Variants in PRKAR1B observed in about 807,000 individuals in gnomAD.
PRKAR1B encodes the protein cAMP-dependent protein kinase type I-beta regulatory subunit.
Under a neutral mutation model 46.5 loss-of-function variants are expected in PRKAR1B, and 22 were observed. The ratio of observed to expected loss-of-function variants is 0.47; its 90% CI spans 0.34 to 0.68. The LOEUF (loss-of-function observed/expected upper bound fraction) is 0.68. Among genes scored for constraint, PRKAR1B ranks in the 30% least tolerant of loss-of-function variants. The probability of loss-of-function intolerance (pLI) is 0.01; values close to 1 mark genes in which losing one functional copy is unlikely to be tolerated. For missense variants in PRKAR1B, 445 were observed against 535.6 expected, an observed-to-expected ratio of 0.83 and a Z score of 1.67; for synonymous variants, 259 against 217.7, an observed-to-expected ratio of 1.19 and a Z score of -1.67.
intron 6 of PRKAR1B, among the ~76,000 whole-genome samples, chr7:601,048 C>T (rs2128459612): frequency 6.6e-6 from 1 of 152,306 alleles, no homozygotes; most frequent in South Asian, 2.1e-4. Flanking sequence ...GGGCAGCGTC[C>T]ACCCTGCAGA....
intron 4 of PRKAR1B, among the ~76,000 whole-genome samples, chr7:645,370 C>G (rs1456656624): frequency 6.6e-6 from 1 of 152,176 alleles, no homozygotes; most frequent in Non-Finnish European, 1.5e-5. Flanking sequence ...ACTCAGTCTA[C>G]TTGGGCGCAG....
At position 550,168 on chromosome 7, in the gene PRKAR1B, C is replaced by A. The variant is rs996557944; in HGVS notation, c.*262G>T. The A allele has an allele frequency of 3.5e-5, 16 of 460,020 alleles. No individual in the cohort carries two copies. The highest frequency in any genetic ancestry group is 6.3e-5 in the Non-Finnish European group (16 of 253,754). The allele number at this position is 460,020 out of a possible 1,614,324, so 28.5% of individuals were successfully genotyped here. On this transcript the variant is annotated 3_prime_UTR_variant, in exon 11 of 11. Transcript: ENST00000537384. ...CCCCAGGAGAAGCCCACAGAGGCAG[C>A]CGGGGAGGCGTGTGGGGAGGAAGCT...
At chr7:711,584 G>T in intron 1 of PRKAR1B, 57 bp from the exon 2 acceptor site, 1 of 1,472,572 alleles carries the variant, frequency 6.8e-7, no homozygotes, top group Non-Finnish European at 9.3e-7. Flanking sequence ...CTGCGCGCCG[G>T]ATAAACGCAG....
chr7:708,248 C>T (rs773181361), intron 2 of PRKAR1B, among the ~76,000 whole-genome samples: 33 of 152,128 alleles, frequency 2.2e-4, no homozygotes, highest in Non-Finnish European at 4.4e-4. Flanking sequence ...CCTTCTCCCA[C>T]ACAGACCCAG....
At chr7:605,734 C>T (rs1047802934) in intron 6 of PRKAR1B, among the ~76,000 whole-genome samples, 3 of 152,118 alleles carry the variant, frequency 2.0e-5, no homozygotes, top group African/African-American at 2.4e-5. Context: ...GGGAGCCAAA[C>T]GCAGGCGCAA....
chr7:551,515 C>T, intron 9 of PRKAR1B, 45 bp from the exon 10 acceptor site: 2 of 1,534,644 alleles, frequency 1.3e-6, no homozygotes, highest in East Asian at 2.4e-5. Flanking sequence ...CAGGCGGGTG[C>T]AGGGTGGGAC....
At chr7:709,316 CATGT>C (rs975437989) in intron 2 of PRKAR1B, among the ~76,000 whole-genome samples, 15 of 150,576 alleles carry the variant, frequency 1.0e-4, no homozygotes, top group East Asian at 1.9e-4. Context: ...TCCACGTATG[CATGT>C]ATGTATGTGT....
At chr7:694,602 C>T (rs536413872) in intron 2 of PRKAR1B, among the ~76,000 whole-genome samples, 4 of 152,092 alleles carry the variant, frequency 2.6e-5, no homozygotes, top group Admixed American at 6.6e-5. Context: ...GTTTTGGGTC[C>T]CCTTCCCCTT....
rs569918012 is a variant in PRKAR1B, at chr7:664,259, C to T, written c.440+12970G>A. ...CCATGCCAGGACCCATGGCGTCCGT[C>T]GGAATGTGAAAGCTGGTGCATCCCT... On this transcript the variant is annotated intron_variant, in intron 4 of 10. Transcript: ENST00000537384. Among the ~76,000 whole-genome samples the T allele has an allele frequency of 9.8e-5, 15 of 152,330 alleles. No homozygotes were observed. In the South Asian group the frequency reaches 2.1e-3, roughly 21 times the overall value.
At chr7:715,985 G>A (rs1220793677) in intron 1 of PRKAR1B, among the ~76,000 whole-genome samples, 3 of 151,980 alleles carry the variant, frequency 2.0e-5, no homozygotes, top group Non-Finnish European at 2.9e-5. Context: ...AAAGTGCTGG[G>A]ATTACAGGCG....
At chr7:701,295 A>C (rs1485573432) in intron 2 of PRKAR1B, among the ~76,000 whole-genome samples, 2 of 139,760 alleles carry the variant, frequency 1.4e-5, no homozygotes, top group Non-Finnish European at 3.0e-5. Context: ...AGAAAGAAAG[A>C]AAGAAAAAGA....
In PRKAR1B at chr7:550,608, G is replaced by T. The variant is rs775328045; in HGVS notation, c.974-6C>A. On this transcript the variant is annotated splice_region_variant and splice_polypyrimidine_tract_variant and intron_variant, in intron 10 of 10. Transcript: ENST00000537384. The stretch of plus-strand genomic sequence containing the variant: ...CAGCAGCAGTGCAATCTCCCCTGGG[G>T]GTTGAAGAGAGAGGTCAGGGCTGGG... 13 of 1,551,952 alleles carry T rather than the reference G, an allele frequency of 8.4e-6. No homozygotes were observed. The highest frequency in any genetic ancestry group is 2.0e-5 in the Admixed American group (1 of 49,802).
At chr7:694,412 C>T (rs887792421) in intron 2 of PRKAR1B, among the ~76,000 whole-genome samples, 4 of 152,140 alleles carry the variant, frequency 2.6e-5, no homozygotes, top group Non-Finnish European at 4.4e-5. Context: ...CTCGTCTGGA[C>T]GCTCAGCTCC....
chr7:692,663 G>A (rs187320287), intron 2 of PRKAR1B, among the ~76,000 whole-genome samples: 3 of 152,314 alleles, frequency 2.0e-5, no homozygotes, highest in African/African-American at 4.8e-5. Flanking sequence ...TCGCCCGGGA[G>A]AAACAGAAAC....
chr7:712,347 T>G (rs1780691865), intron 1 of PRKAR1B: 1 of 144,590 alleles, frequency 6.9e-6, no homozygotes, highest in Non-Finnish European at 1.5e-5. Context: ...CTTCCAAATG[T>G]CCGCATCCCC....
intron 9 of PRKAR1B, among the ~76,000 whole-genome samples, chr7:552,461 C>A (rs1784302736): frequency 7.3e-6 from 1 of 137,634 alleles, no homozygotes; most frequent in African/African-American, 2.8e-5. Flanking sequence ...CGCAGAGCCA[C>A]TGCCATCACC....
At chr7:559,689 C>T (rs577924248) in intron 9 of PRKAR1B, among the ~76,000 whole-genome samples, 53 of 152,302 alleles carry the variant, frequency 3.5e-4, no homozygotes, top group Admixed American at 1.9e-3. Flanking sequence ...TCTCGAGGCT[C>T]GCTGTGGAGT....
At chr7:595,251 C>T (rs545377137) in intron 7 of PRKAR1B, among the ~76,000 whole-genome samples, 3 of 152,206 alleles carry the variant, frequency 2.0e-5, no homozygotes, top group Non-Finnish European at 2.9e-5. Flanking sequence ...TTCCGGCACC[C>T]GGGCGTCCTG....
chr7:692,951 T>C (rs1270203355), intron 2 of PRKAR1B, among the ~76,000 whole-genome samples: 1 of 151,136 alleles, frequency 6.6e-6, no homozygotes, highest in Non-Finnish European at 1.5e-5. Flanking sequence ...TTTTTTTTTC[T>C]TGAGATGGAG....
Sources: gnomAD v4.1 joint callset for allele counts (sites outside exome capture counted in the v4.1 genomes callset) on GRCh38, gnomAD v4.1.1 for gene constraint, MANE v1.5 for transcripts, NCBI Gene and HGNC (gene_info 2026-07-23, HGNC 2026-07-21) for gene names.